NABP1: variants seen among roughly 807,000 people sequenced by gnomAD.
The protein encoded by NABP1 is SOSS complex subunit B2.
In NABP1, 18 loss-of-function variants were observed where a neutral mutation model predicts 25.0. The ratio of observed to expected loss-of-function variants is 0.72; its 90% CI spans 0.50 to 1.07. NABP1 has a LOEUF of 1.07. NABP1 is among the 50% of genes least tolerant of loss of function. The pLI is 0.00. For synonymous variants in NABP1, 71 were observed against 85.0 expected (o/e 0.84, Z 0.91); for missense variants, 270 against 255.6 (o/e 1.06, Z -0.39).
chr2:191,678,420 T>C lies in NABP1; in HGVS notation c.-195T>C, dbSNP rs1184588704. ...TTGTGAGCCTTTTTTTTTTTTTTTT[T>C]TTTTTTTCTTTTTTTAGGCTCAGTG... On this transcript the variant is annotated 5_prime_UTR_variant, in exon 1 of 6. Coordinates refer to ENST00000425611, the MANE Select transcript of NABP1 (RefSeq NM_001031716.5). 1.2e-3 allele frequency: 355 copies of C among 291,534 alleles called. 1 individual carries two copies. Among genetic ancestry groups the C allele is most frequent in the African/African-American group, 7.2e-3 (305 of 42,130 alleles). 18.1% of individuals were successfully genotyped at this position (291,534 alleles called of 1,614,324 possible).
At chr2:191,679,916 G>A (rs1687631126) in intron 2 of NABP1, among the ~76,000 whole-genome samples, 1 of 152,072 alleles carries the variant, frequency 6.6e-6, no homozygotes, top group Non-Finnish European at 1.5e-5. Context: ...TGTCAAATTT[G>A]TACTTGGAAA....
At position 191,679,029 on chromosome 2, in the gene NABP1, C is replaced by T. The variant is rs1687590684; in HGVS notation, c.131C>T (p.Ser44Leu). The change falls in exon 2 of 6, where the codon TCG becomes TTG. Residue 44 changes from serine (S) to leucine (L), a missense_variant. Ser to Leu is a moderately radical substitution (Grantham distance 145). Coordinates refer to ENST00000425611, the MANE Select transcript of NABP1 (RefSeq NM_001031716.5). Reference protein sequence around the residue: ...TKTKDGHEVRSCKVADKTGSI... With the variant: ...TKTKDGHEVRLCKVADKTGSI... ...ACCAAAGACGGCCATGAAGTGAGAT[C>T]GTGCAAAGTAGCAGATAAAACGGGC... 1 of 1,614,108 alleles carries T rather than the reference C, an allele frequency of 6.2e-7. No homozygotes were observed. Among genetic ancestry groups the T allele is most frequent in the Admixed American group, 1.7e-5 (1 of 60,008 alleles).
At chr2:191,678,885 C>G in intron 1 of NABP1, 105 bp from the exon 2 acceptor site, 1 of 1,465,126 alleles carries the variant, frequency 6.8e-7, no homozygotes, top group Non-Finnish European at 9.3e-7. Flanking sequence ...TGGGCTTGGT[C>G]ACTTCCCACC....
At position 191,678,501 on chromosome 2, in the gene NABP1, C is replaced by A; in HGVS notation, c.-114C>A. On this transcript the variant is annotated 5_prime_UTR_variant, in exon 1 of 6. Transcript: ENST00000425611. ...TAACGGCTTTCTGCCCCTTCTCTCG[C>A]CACCCCTGCCCAAGGTCGCCCCTCT... The A allele has an allele frequency of 1.5e-6, 1 of 653,520 alleles. No homozygotes were observed. The highest frequency in any genetic ancestry group is 2.6e-6 in the Non-Finnish European group (1 of 387,876). The allele number at this position is 653,520 out of a possible 1,614,324, so 40.5% of individuals were successfully genotyped here. A position where few individuals can be genotyped will look rare whatever the true frequency, so the allele number is the denominator to read the frequency against.
Position 191,685,807 on chromosome 2 carries a change from G to T in NABP1, c.*39G>T. On this transcript the variant is annotated 3_prime_UTR_variant, in exon 6 of 6. Coordinates refer to ENST00000425611, the MANE Select transcript of NABP1 (RefSeq NM_001031716.5). ...CTCATGTGTAGTTTTTATACTACATGCCCTACTTGAACACTTATTGCACTT... is the reference window on the plus strand; with the variant it reads ...CTCATGTGTAGTTTTTATACTACATTCCCTACTTGAACACTTATTGCACTT... 1 of 1,575,152 alleles carries T rather than the reference G, an allele frequency of 6.3e-7. No homozygotes were observed. Among genetic ancestry groups the T allele is most frequent in the Non-Finnish European group, 8.7e-7 (1 of 1,148,266 alleles).
Position 191,681,983 on chromosome 2 carries a change from A to C in NABP1, c.268A>C (p.Thr90Pro). Reference sequence around the variant, plus strand: ...GTGGAAAGGATGTCTGACACTTTATACTGGAAGGGGTGGTGAACTTCAAAA... The same window carrying C: ...GTGGAAAGGATGTCTGACACTTTATCCTGGAAGGGGTGGTGAACTTCAAAA... ...SMWKGCLTLY[T>P]GRGGELQKIG... The change falls in exon 3 of 6, where the codon ACT (threonine) becomes CCT (proline). Residue 90 changes from threonine (T) to proline (P), a missense_variant. Physicochemically the swap from Thr to Pro is conservative, Grantham distance 38. Transcript: ENST00000425611. The C allele has an allele frequency of 6.6e-7, 1 of 1,516,628 alleles. No homozygotes were observed. Among genetic ancestry groups the C allele is most frequent in the Non-Finnish European group, 8.8e-7 (1 of 1,138,332 alleles). The allele number at this position is 1,516,628 out of a possible 1,614,324, so 93.9% of individuals were successfully genotyped here.
At chr2:191,682,611 T>C in intron 3 of NABP1, 1 of 470,478 alleles carries the variant, frequency 2.1e-6, no homozygotes, top group Non-Finnish European at 4.4e-6. Context: ...TCAGCCTCCA[T>C]GTTAGCCTAG....
At chr2:191,684,424 A>T in intron 5 of NABP1, 128 bp downstream of exon 5, 1 of 565,700 alleles carries the variant, frequency 1.8e-6, no homozygotes, top group Non-Finnish European at 2.9e-6. Context: ...GTAAACAGGG[A>T]ATCCCCAAAG....
In NABP1 at chr2:191,686,053, T is replaced by C. The variant is rs1260012185; in HGVS notation, c.*285T>C. The C allele has an allele frequency of 6.7e-6, 2 of 298,466 alleles. No homozygotes were observed. The highest frequency in any genetic ancestry group is 2.2e-5 in the African/African-American group (1 of 44,526). The allele number at this position is 298,466 out of a possible 1,614,324, so 18.5% of individuals were successfully genotyped here. On this transcript the variant is annotated 3_prime_UTR_variant, in exon 6 of 6. Coordinates refer to ENST00000425611, the MANE Select transcript of NABP1 (RefSeq NM_001031716.5). ...TGCACCCATTTCATGGGTGAGTTAC[T>C]TAAGACATCAGCTTTATAGCCTCTA...
intron 2 of NABP1, among the ~76,000 whole-genome samples, chr2:191,681,687 GCT>G (rs1364727211): frequency 1.3e-5 from 2 of 152,108 alleles, no homozygotes; most frequent in African/African-American, 2.4e-5. Flanking sequence ...AATAATACTG[GCT>G]TTGCGAAAAG....
intron 2 of NABP1, among the ~76,000 whole-genome samples, chr2:191,681,677 A>G (rs1256609726): frequency 2.0e-5 from 3 of 152,228 alleles, no homozygotes; most frequent in Admixed American, 2.0e-4. Flanking sequence ...CATTGGGTAT[A>G]ATAATACTGG....
In NABP1 at chr2:191,683,516, A is replaced by G; in HGVS notation, c.303-213A>G. ...GCACTAAAGAAGAATTTAAATACAA[A>G]ATAGAATGTTATATATCTTGTAGAC... On this transcript the variant is annotated intron_variant, in intron 3 of 5. Coordinates refer to ENST00000425611, the MANE Select transcript of NABP1 (RefSeq NM_001031716.5). This position sits in a 1 kb window ranked among gnomAD's most constrained non-coding sequence, Gnocchi z 4.1. The G allele has an allele frequency of 2.3e-6, 1 of 444,126 alleles. No homozygotes were observed. The highest frequency in any genetic ancestry group is 4.2e-5 in the Admixed American group (1 of 24,060). The allele number at this position is 444,126 out of a possible 1,614,324, so 27.5% of individuals were successfully genotyped here.
rs915365786 is a variant in NABP1 at position 191,686,913 on chromosome 2, A to C, written c.*1145A>C. The stretch of plus-strand genomic sequence containing the variant: ...TTAACTCTTTGAATATTATCTCTTG[A>C]ATAAAGCATGTGTTAATGTTAACAA... On this transcript the variant is annotated 3_prime_UTR_variant, in exon 6 of 6. Coordinates refer to ENST00000425611, the MANE Select transcript of NABP1 (RefSeq NM_001031716.5). 8.5e-5 allele frequency: 13 copies of C among 152,622 alleles called. No individual in the cohort carries two copies. The highest frequency in any genetic ancestry group is 1.5e-4 in the Non-Finnish European group (10 of 68,030). 9.5% of individuals were successfully genotyped at this position (152,622 alleles called of 1,614,324 possible).
Position 191,678,566 on chromosome 2 carries a change from C to T in NABP1, c.-49C>T, listed in dbSNP as rs1425743217. On this transcript the variant is annotated 5_prime_UTR_variant, in exon 1 of 6. Coordinates refer to ENST00000425611, the MANE Select transcript of NABP1 (RefSeq NM_001031716.5). ...CCCGGGAGGGTGGGAAGCTTTGACC[C>T]CGCCCTGCCCACTCGCGTCTCCGCA... The T allele has an allele frequency of 1.4e-6, 2 of 1,427,842 alleles. No homozygotes were observed. Among genetic ancestry groups the T allele is most frequent in the South Asian group, 1.2e-5 (1 of 83,586 alleles). 88.4% of individuals were successfully genotyped at this position (1,427,842 alleles called of 1,614,324 possible).
chr2:191,682,334 A>G, intron 3 of NABP1: 1 of 348,986 alleles, frequency 2.9e-6, no homozygotes, highest in Admixed American at 4.2e-5. Flanking sequence ...TTTGAAGTAG[A>G]TTCTCTTTTG....
Position 191,685,843 on chromosome 2 carries a change from T to A in NABP1, c.*75T>A. 1 of 1,390,306 alleles carries A rather than the reference T, an allele frequency of 7.2e-7. No individual in the cohort carries two copies. Among genetic ancestry groups the A allele is most frequent in the South Asian group, 1.3e-5 (1 of 77,914 alleles). The allele number at this position is 1,390,306 out of a possible 1,614,324, so 86.1% of individuals were successfully genotyped here. A position where few individuals can be genotyped will look rare whatever the true frequency, so the allele number is the denominator to read the frequency against. On this transcript the variant is annotated 3_prime_UTR_variant, in exon 6 of 6. Transcript: ENST00000425611. ...ACACTTATTGCACTTTTATTTATTG[T>A]TAACTGTGAAAAGTACGTCCTTTAT...
In NABP1 at chr2:191,683,471, T is replaced by G; in HGVS notation, c.303-258T>G. The G allele has an allele frequency of 2.7e-6, 1 of 364,768 alleles. No homozygotes were observed. Among genetic ancestry groups the G allele is most frequent in the Non-Finnish European group, 5.0e-6 (1 of 201,096 alleles). The allele number at this position is 364,768 out of a possible 1,614,324, so 22.6% of individuals were successfully genotyped here. ...AGAGATGTTTTTGTGTCCTTGATTT[T>G]TGATGTGATTTTTTTTTCAGCACTA... On this transcript the variant is annotated intron_variant, in intron 3 of 5. Transcript: ENST00000425611. The surrounding 1 kb of genome is among the most constrained non-coding windows in gnomAD (Gnocchi z 4.1).
At chr2:191,684,384 G>A (rs2105647683) in intron 5 of NABP1, 88 bp downstream of exon 5, 3 of 854,242 alleles carry the variant, frequency 3.5e-6, no homozygotes, top group Middle Eastern at 2.4e-4. Flanking sequence ...ACGTCTTTAG[G>A]CATAAATTAG....
At chr2:191,681,335 G>C (rs181735456) in intron 2 of NABP1, among the ~76,000 whole-genome samples, 132 of 152,204 alleles carry the variant, frequency 8.7e-4, no homozygotes, top group African/African-American at 2.9e-3. Context: ...TAGTGATGCT[G>C]TCTGCTTTCA....
Sources: gnomAD v4.1 joint callset for allele counts (sites outside exome capture counted in the v4.1 genomes callset) on GRCh38, gnomAD v4.1.1 for gene constraint, Gnocchi (gnomAD v3.1) non-coding constraint, MANE v1.5 for transcripts, NCBI Gene and HGNC (gene_info 2026-07-23, HGNC 2026-07-21) for gene names.